NKAIN3: variants seen among roughly 807,000 people sequenced by gnomAD.
NKAIN3 encodes sodium/potassium-transporting ATPase subunit beta-1-interacting protein 3.
A neutral mutation model predicts 30.2 loss-of-function variants in NKAIN3; 25 were observed. The observed-to-expected ratio is 0.83, with a 90% CI of 0.60 to 1.16. The LOEUF is 1.16. Among genes scored for constraint, NKAIN3 ranks in the 50% most tolerant of loss-of-function variants. NKAIN3 has a pLI of 0.00. For missense variants in NKAIN3, 225 were observed against 254.1 expected (o/e 0.89, Z 0.78); for synonymous variants, 91 against 89.6 (o/e 1.02, Z -0.09).
chr8:62,812,370 T>C (rs1818516252), intron 4 of NKAIN3, among the ~76,000 whole-genome samples: 2 of 151,930 alleles, frequency 1.3e-5, no homozygotes, highest in African/African-American at 4.8e-5. Flanking sequence ...ACAAAATCCC[T>C]GATGGGATCT....
At chr8:62,589,188 A>T (rs117996663) in intron 2 of NKAIN3, among the ~76,000 whole-genome samples, 1 of 151,708 alleles carries the variant, frequency 6.6e-6, no homozygotes, top group African/African-American at 2.4e-5. Flanking sequence ...TTATATGGTT[A>T]TATTTTTATT....
intron 1 of NKAIN3, among the ~76,000 whole-genome samples, chr8:62,506,234 G>GGGGT (rs1807633798): frequency 6.8e-6 from 1 of 146,806 alleles, no homozygotes; most frequent in Admixed American, 6.8e-5. Flanking sequence ...ATATTGGGGG[G>GGGGT]GGGGACATTA....
At chr8:62,285,484 T>C (rs1181793412) in intron 1 of NKAIN3, among the ~76,000 whole-genome samples, 1 of 152,150 alleles carries the variant, frequency 6.6e-6, no homozygotes, top group Non-Finnish European at 1.5e-5. Flanking sequence ...GAGCAGATTA[T>C]GTGGAGGAAC....
intron 3 of NKAIN3, among the ~76,000 whole-genome samples, chr8:62,683,025 T>TTTTG (rs535757107): frequency 1.2e-4 from 18 of 152,142 alleles, no homozygotes; most frequent in African/African-American, 1.9e-4. Context: ...TTGTTTGTTT[T>TTTTG]TTTGTTTGTT....
intron 1 of NKAIN3, chr8:62,383,589 C>G: frequency 2.2e-6 from 1 of 446,112 alleles, no homozygotes; most frequent in Admixed American, 2.4e-5. Context: ...ACATGCTTCT[C>G]CTGTTATCTT....
intron 3 of NKAIN3, among the ~76,000 whole-genome samples, chr8:62,686,016 C>A (rs1432507881): frequency 6.6e-6 from 1 of 152,084 alleles, no homozygotes; most frequent in Admixed American, 6.6e-5. Context: ...AGATGCCATT[C>A]AGATCTCCTT....
chr8:62,757,021 T>A (rs746385626), intron 4 of NKAIN3, among the ~76,000 whole-genome samples: 6 of 152,186 alleles, frequency 3.9e-5, no homozygotes, highest in African/African-American at 7.2e-5. Flanking sequence ...TTAAATATTG[T>A]TTCATCAGAG....
At chr8:62,317,503 G>T (rs1814683154) in intron 1 of NKAIN3, among the ~76,000 whole-genome samples, 1 of 152,170 alleles carries the variant, frequency 6.6e-6, no homozygotes, top group African/African-American at 2.4e-5. Flanking sequence ...TGGCTAGCCA[G>T]TTTTCCCAGC....
intron 1 of NKAIN3, among the ~76,000 whole-genome samples, chr8:62,542,373 T>A (rs1249581506): frequency 1.3e-5 from 2 of 152,208 alleles, no homozygotes; most frequent in Admixed American, 1.3e-4. Context: ...CAGGTCTAAC[T>A]GTTCTTTGTT....
At chr8:62,333,403 T>A (rs2129590175) in intron 1 of NKAIN3, among the ~76,000 whole-genome samples, 1 of 152,218 alleles carries the variant, frequency 6.6e-6, no homozygotes, top group African/African-American at 2.4e-5. Flanking sequence ...AATCTGGAAA[T>A]ATGACATGCA....
At chr8:62,443,529 G>T (rs1805395065) in intron 1 of NKAIN3, among the ~76,000 whole-genome samples, 1 of 151,926 alleles carries the variant, frequency 6.6e-6, no homozygotes, top group Admixed American at 6.6e-5. Context: ...GACTAGAGGT[G>T]CGAGCCACCA....
At chr8:62,609,860 C>T (rs1811237425) in intron 3 of NKAIN3, among the ~76,000 whole-genome samples, 2 of 151,910 alleles carry the variant, frequency 1.3e-5, no homozygotes, top group Non-Finnish European at 2.9e-5. Context: ...AGAGGAGAGC[C>T]GAAGAAAGAG....
At chr8:62,435,091 G>A (rs1805127954) in intron 1 of NKAIN3, among the ~76,000 whole-genome samples, 1 of 152,102 alleles carries the variant, frequency 6.6e-6, no homozygotes, top group African/African-American at 2.4e-5. Flanking sequence ...AGGAGATTTT[G>A]GATAAGTGGA....
chr8:62,621,503 A>G (rs1339483500), intron 3 of NKAIN3, among the ~76,000 whole-genome samples: 2 of 152,090 alleles, frequency 1.3e-5, no homozygotes, highest in Admixed American at 1.3e-4. Flanking sequence ...ATATAAATAT[A>G]TGCTTTCTTT....
intron 3 of NKAIN3, among the ~76,000 whole-genome samples, chr8:62,698,591 T>C (rs1387459203): frequency 6.6e-6 from 1 of 152,188 alleles, no homozygotes. Flanking sequence ...ATTTAATTCC[T>C]CAGAATTACG....
intron 1 of NKAIN3, among the ~76,000 whole-genome samples, chr8:62,385,991 G>C (rs1011812862): frequency 6.6e-6 from 1 of 152,182 alleles, no homozygotes; most frequent in Non-Finnish European, 1.5e-5. Flanking sequence ...CCTCTACGTT[G>C]CCTCTCCAAC....
chr8:62,548,602 G>C lies in NKAIN3; in HGVS notation c.55-30937G>C, dbSNP rs570705052. The stretch of plus-strand genomic sequence containing the variant: ...AAAAATCCTTATTGGAACAAATAAA[G>C]CAAATTATGGCACGTCAAACCAGTG... On this transcript the variant is annotated intron_variant, in intron 1 of 6. Coordinates refer to ENST00000623646, the MANE Select transcript of NKAIN3 (RefSeq NM_001304533.3). 1.3e-4 allele frequency among the ~76,000 whole-genome samples: 20 copies of C among 152,194 alleles called. No homozygotes were observed. The East Asian group carries it at 3.9e-3, about 29-fold the overall frequency.
intron 3 of NKAIN3, among the ~76,000 whole-genome samples, chr8:62,709,507 T>C (rs900446082): frequency 2.0e-5 from 3 of 152,220 alleles, no homozygotes; most frequent in African/African-American, 7.2e-5. Context: ...TTTATGTGTG[T>C]AAAGGTGTTC....
intron 1 of NKAIN3, among the ~76,000 whole-genome samples, chr8:62,299,885 A>G (rs1280334663): frequency 6.6e-6 from 1 of 152,132 alleles, no homozygotes; most frequent in Non-Finnish European, 1.5e-5. Flanking sequence ...GTTTCCTGGC[A>G]TAGTTTTAGT....
Sources: allele counts gnomAD v4.1 joint callset (sites outside exome capture counted in the v4.1 genomes callset), GRCh38; gene constraint gnomAD v4.1.1; transcripts MANE v1.5; gene names NCBI Gene and HGNC (gene_info 2026-07-23, HGNC 2026-07-21).